The following GLI3 variants were observed in gnomAD, a reference collection of about 807,000 sequenced individuals.
GLI3 encodes transcription activator GLI3.
GLI3 carries 20 observed loss-of-function variants against 100.8 expected under a neutral mutation model. The ratio of observed to expected loss-of-function variants is 0.20; its 90% CI spans 0.14 to 0.29. The LOEUF (loss-of-function observed/expected upper bound fraction) is 0.29. GLI3 is among the 10% of genes least tolerant of loss of function. GLI3 has a pLI of 1.00. For synonymous variants in GLI3, 938 were observed against 860.5 expected, an observed-to-expected ratio of 1.09 and a Z score of -1.58; for missense variants, 2,040 against 2,128.5, an observed-to-expected ratio of 0.96 and a Z score of 0.82.
chr7:42,246,790 A>T (rs1162691274), intron 1 of GLI3, among the ~76,000 whole-genome samples: 1 of 130,262 alleles, frequency 7.7e-6, no homozygotes, highest in African/African-American at 2.9e-5. Flanking sequence ...TTAAAGGCTC[A>T]TTGGATGATA....
chr7:42,194,950 A>G (rs941486140), intron 2 of GLI3, among the ~76,000 whole-genome samples: 1 of 151,898 alleles, frequency 6.6e-6, no homozygotes, highest in East Asian at 1.9e-4. Context: ...TATTTTTAGT[A>G]GAGACAGGGT....
At chr7:42,252,480 CTAAAA>C (rs1416006661) in intron 1 of GLI3, among the ~76,000 whole-genome samples, 2 of 151,994 alleles carry the variant, frequency 1.3e-5, no homozygotes, top group African/African-American at 4.8e-5. Flanking sequence ...ACCCCTGAAC[CTAAAA>C]TAAAAGTTAA....
intron 12 of GLI3, among the ~76,000 whole-genome samples, chr7:41,974,539 C>T (rs1343858671): frequency 6.6e-6 from 1 of 152,082 alleles, no homozygotes; most frequent in African/African-American, 2.4e-5. Context: ...AAAATTTAAT[C>T]ATAAGGAATA....
At chr7:42,253,155 G>C (rs1339664512) in intron 1 of GLI3, among the ~76,000 whole-genome samples, 6 of 152,198 alleles carry the variant, frequency 3.9e-5, no homozygotes, top group Non-Finnish European at 4.4e-5. Context: ...TCCACAACCA[G>C]ACAGATGTAT....
At chr7:42,076,550 T>C (rs908613762) in intron 4 of GLI3, among the ~76,000 whole-genome samples, 3 of 152,182 alleles carry the variant, frequency 2.0e-5, no homozygotes, top group African/African-American at 7.2e-5. Context: ...GGCGACCTAG[T>C]GTGACAGGCA....
At chr7:41,975,105 G>T (rs924529467) in intron 12 of GLI3, among the ~76,000 whole-genome samples, 1 of 152,110 alleles carries the variant, frequency 6.6e-6, no homozygotes. Context: ...GGTATCTTTG[G>T]GGGAAAAATG....
At chr7:42,181,456 A>T (rs1247326128) in intron 2 of GLI3, among the ~76,000 whole-genome samples, 1 of 151,988 alleles carries the variant, frequency 6.6e-6, no homozygotes, top group Non-Finnish European at 1.5e-5. Flanking sequence ...CCAAAAAAAA[A>T]TTAGCCAGTG....
At chr7:42,015,366 T>C (rs1309902151) in intron 10 of GLI3, among the ~76,000 whole-genome samples, 1 of 152,148 alleles carries the variant, frequency 6.6e-6, no homozygotes, top group East Asian at 1.9e-4. Context: ...GGATATCCCA[T>C]TTACAGTTCT....
At chr7:42,191,534 C>T (rs960324955) in intron 2 of GLI3, among the ~76,000 whole-genome samples, 2 of 152,038 alleles carry the variant, frequency 1.3e-5, no homozygotes, top group Non-Finnish European at 2.9e-5. Context: ...TGCCTGTAAT[C>T]CCAGCTACTC....
At chr7:42,117,781 G>A (rs1785896877) in intron 3 of GLI3, among the ~76,000 whole-genome samples, 1 of 152,182 alleles carries the variant, frequency 6.6e-6, no homozygotes, top group Non-Finnish European at 1.5e-5. Flanking sequence ...TTAGATTAAA[G>A]TGATAAATGT....
At chr7:41,977,923 G>T in intron 11 of GLI3, 1 of 603,638 alleles carries the variant, frequency 1.7e-6, no homozygotes, top group Non-Finnish European at 2.9e-6. Flanking sequence ...AGTTTTCAGT[G>T]CCAGTAAAAG....
intron 3 of GLI3, among the ~76,000 whole-genome samples, chr7:42,117,866 A>G (rs73325641): frequency 0.1 from 15,532 of 152,236 alleles, 1,680 homozygotes; most frequent in African/African-American, 0.27. Flanking sequence ...ATATCACTGC[A>G]GATTCCGTGG....
intron 2 of GLI3, among the ~76,000 whole-genome samples, chr7:42,179,137 G>T (rs961563915): frequency 8.6e-5 from 13 of 152,032 alleles, no homozygotes; most frequent in Admixed American, 7.9e-4. Context: ...GTGATATTAA[G>T]TCTCACGAGA....
At chr7:42,137,668 T>C (rs1243046636) in intron 3 of GLI3, among the ~76,000 whole-genome samples, 4 of 151,974 alleles carry the variant, frequency 2.6e-5, no homozygotes, top group East Asian at 1.9e-4. Flanking sequence ...CAGCTATAGG[T>C]TGAGTATCCC....
At chr7:42,179,836 G>C (rs528782366) in intron 2 of GLI3, among the ~76,000 whole-genome samples, 1 of 152,282 alleles carries the variant, frequency 6.6e-6, no homozygotes, top group Non-Finnish European at 1.5e-5. Context: ...GGCTAGAAAA[G>C]GTGTAGCAGC....
intron 2 of GLI3, among the ~76,000 whole-genome samples, chr7:42,211,701 G>A (rs1276547027): frequency 2.6e-5 from 4 of 152,046 alleles, no homozygotes; most frequent in Admixed American, 6.5e-5. Context: ...GGGAGTCTTC[G>A]ACATTAACTA....
intron 3 of GLI3, among the ~76,000 whole-genome samples, chr7:42,082,456 G>A (rs1013636912): frequency 2.6e-5 from 4 of 152,158 alleles, no homozygotes; most frequent in Admixed American, 2.6e-4. Context: ...CTGACAAGGA[G>A]AGTCTAGAGC....
At chr7:42,131,556 T>A (rs1786277131) in intron 3 of GLI3, among the ~76,000 whole-genome samples, 1 of 152,222 alleles carries the variant, frequency 6.6e-6, no homozygotes, top group African/African-American at 2.4e-5. Context: ...ACCATAATGC[T>A]GTAGATGCTT....
intron 10 of GLI3, among the ~76,000 whole-genome samples, chr7:41,998,830 A>G (rs1169398837): frequency 3.3e-5 from 5 of 152,372 alleles, no homozygotes; most frequent in South Asian, 4.1e-4. Context: ...AATATAAACT[A>G]ACACCTGCAA....
Sources: allele counts gnomAD v4.1 joint callset (sites outside exome capture counted in the v4.1 genomes callset), GRCh38; gene constraint gnomAD v4.1.1; transcripts MANE v1.5; gene names NCBI Gene and HGNC (gene_info 2026-07-23, HGNC 2026-07-21).